CADPS2: variants seen among roughly 807,000 people sequenced by gnomAD.
CADPS2 encodes calcium dependent secretion activator 2.
CADPS2 carries 93 observed loss-of-function variants against 172.5 expected under a neutral mutation model. That is an observed-to-expected ratio of 0.54 (90% CI 0.46 to 0.64). CADPS2 has a LOEUF of 0.64. CADPS2 is among the 30% of genes least tolerant of loss of function. CADPS2 has a pLI of 0.00. For missense variants in CADPS2, 1,420 were observed against 1,565.9 expected (o/e 0.91, Z 1.57); for synonymous variants, 546 against 555.2 (o/e 0.98, Z 0.23).
intron 3 of CADPS2, among the ~76,000 whole-genome samples, chr7:122,652,842 T>C (rs762895466): frequency 5.9e-5 from 9 of 152,182 alleles, no homozygotes; most frequent in Admixed American, 1.3e-4. Flanking sequence ...CAATAACAAT[T>C]TGTCTTTCTA....
chr7:122,487,574 G>A (rs1488804753), intron 11 of CADPS2, among the ~76,000 whole-genome samples: 1 of 151,996 alleles, frequency 6.6e-6, no homozygotes, highest in Non-Finnish European at 1.5e-5. Flanking sequence ...TAGTCAATTA[G>A]AAAATATAAT....
intron 8 of CADPS2, among the ~76,000 whole-genome samples, chr7:122,524,027 C>T (rs1046518631): frequency 5.3e-5 from 8 of 152,116 alleles, no homozygotes; most frequent in Admixed American, 6.6e-5. Context: ...GGCAAAAAGT[C>T]TCTGAGGCAT....
chr7:122,441,586 A>G lies in CADPS2; in HGVS notation c.2289-11T>C. The G allele has an allele frequency of 2.0e-6, 3 of 1,516,172 alleles. No individual in the cohort carries two copies. Among genetic ancestry groups the G allele is most frequent in the Non-Finnish European group, 2.7e-6 (3 of 1,130,062 alleles). 93.9% of individuals were successfully genotyped at this position (1,516,172 alleles called of 1,614,324 possible). On this transcript the variant is annotated splice_polypyrimidine_tract_variant and intron_variant, in intron 15 of 29. Coordinates refer to ENST00000449022, the MANE Select transcript of CADPS2 (RefSeq NM_017954.11). ...AAGGGAAAACAGTATCTTTAAAAAC[A>G]AAAGAAAGAACAAAAGAGTCAAACA...
At chr7:122,781,116 T>C (rs1792594874) in intron 1 of CADPS2, among the ~76,000 whole-genome samples, 1 of 152,248 alleles carries the variant, frequency 6.6e-6, no homozygotes, top group African/African-American at 2.4e-5. Context: ...ACTATTAATC[T>C]GATGGACAGA....
At chr7:122,579,419 T>G (rs1245699103) in intron 7 of CADPS2, among the ~76,000 whole-genome samples, 2 of 147,270 alleles carry the variant, frequency 1.4e-5, no homozygotes, top group African/African-American at 5.0e-5. Flanking sequence ...TAAGGGAGCA[T>G]AAGCGGTTTC....
At chr7:122,615,584 A>T (rs1326106194) in intron 5 of CADPS2, among the ~76,000 whole-genome samples, 3 of 152,182 alleles carry the variant, frequency 2.0e-5, no homozygotes, top group Non-Finnish European at 4.4e-5. Flanking sequence ...AATTAAATGA[A>T]ATTTAAACTC....
At chr7:122,641,510 T>C (rs2077640053) in intron 3 of CADPS2, among the ~76,000 whole-genome samples, 1 of 152,144 alleles carries the variant, frequency 6.6e-6, no homozygotes, top group East Asian at 1.9e-4. Context: ...TTTCATAGCT[T>C]ACTTGAGGTT....
At chr7:122,510,052 G>C (rs1035606318) in intron 9 of CADPS2, among the ~76,000 whole-genome samples, 6 of 151,886 alleles carry the variant, frequency 4.0e-5, no homozygotes, top group African/African-American at 1.2e-4. Flanking sequence ...GAGTGTTAAA[G>C]GTAACAGATT....
chr7:122,673,237 G>T (rs796201946), intron 2 of CADPS2, among the ~76,000 whole-genome samples: 107 of 152,344 alleles, frequency 7.0e-4, no homozygotes, highest in African/African-American at 2.4e-3. Flanking sequence ...CGGGGAATGG[G>T]ACCCCAGCCG....
chr7:122,696,680 A>G (rs989587828), intron 2 of CADPS2, among the ~76,000 whole-genome samples: 3 of 152,200 alleles, frequency 2.0e-5, no homozygotes, highest in African/African-American at 7.2e-5. Context: ...CATTAAAATT[A>G]TGCATGCTGA....
chr7:122,375,152 A>C (rs1283870638), intron 25 of CADPS2, among the ~76,000 whole-genome samples: 1 of 152,170 alleles, frequency 6.6e-6, no homozygotes, highest in African/African-American at 2.4e-5. Context: ...TGCAATCTCT[A>C]TCAAAATCCT....
intron 28 of CADPS2, among the ~76,000 whole-genome samples, chr7:122,332,565 A>G (rs1189306880): frequency 2.0e-5 from 3 of 152,168 alleles, no homozygotes; most frequent in Non-Finnish European, 2.9e-5. Context: ...AAGTGCTAAC[A>G]TTGGGAAGGT....
chr7:122,453,317 T>C (rs1234093798), intron 14 of CADPS2, among the ~76,000 whole-genome samples: 1 of 152,142 alleles, frequency 6.6e-6, no homozygotes, highest in African/African-American at 2.4e-5. Flanking sequence ...TAATATTTTA[T>C]ATTTATTTAA....
intron 1 of CADPS2, among the ~76,000 whole-genome samples, chr7:122,767,569 A>G (rs2093592200): frequency 6.6e-6 from 1 of 152,156 alleles, no homozygotes; most frequent in African/African-American, 2.4e-5. Context: ...ATTCAAACGC[A>G]TACAGTTAGA....
intron 20 of CADPS2, among the ~76,000 whole-genome samples, chr7:122,406,633 C>T (rs1325639185): frequency 1.3e-5 from 2 of 152,226 alleles, no homozygotes; most frequent in East Asian, 3.9e-4. Flanking sequence ...GGCACGAAAA[C>T]CCTATCGTGA....
intron 14 of CADPS2, among the ~76,000 whole-genome samples, chr7:122,467,364 C>T (rs932101574): frequency 7.9e-5 from 12 of 152,150 alleles, no homozygotes; most frequent in African/African-American, 1.2e-4. Context: ...AAAATGCACA[C>T]TGTCTCTAAA....
chr7:122,377,165 A>T (rs929881210), intron 25 of CADPS2, among the ~76,000 whole-genome samples: 1 of 152,162 alleles, frequency 6.6e-6, no homozygotes, highest in Non-Finnish European at 1.5e-5. Flanking sequence ...TAAATTAAAA[A>T]TTTAATTTCT....
At chr7:122,412,042 T>A (rs1449472720) in intron 19 of CADPS2, among the ~76,000 whole-genome samples, 2 of 152,218 alleles carry the variant, frequency 1.3e-5, no homozygotes, top group African/African-American at 4.8e-5. Context: ...GCATTCATGC[T>A]CATGCAATTG....
rs555986306 is a variant in CADPS2 at position 122,574,091 on chromosome 7, C to G, written c.1335+7088G>C. Among the ~76,000 whole-genome samples, 8 of 151,834 alleles carry G rather than the reference C, an allele frequency of 5.3e-5. No homozygotes were observed. The East Asian group carries it at 1.6e-3, about 30-fold the overall frequency. On this transcript the variant is annotated intron_variant, in intron 7 of 29. Coordinates refer to ENST00000449022, the MANE Select transcript of CADPS2 (RefSeq NM_017954.11). ...CACGGTATTTTTGAAATTATTTACGCAAAATGAGTAAATATATTGATGTCG... is the reference window on the plus strand; with the variant it reads ...CACGGTATTTTTGAAATTATTTACGGAAAATGAGTAAATATATTGATGTCG...
Sources: gnomAD v4.1 joint callset for allele counts (sites outside exome capture counted in the v4.1 genomes callset) on GRCh38, gnomAD v4.1.1 for gene constraint, MANE v1.5 for transcripts, NCBI Gene and HGNC (gene_info 2026-07-23, HGNC 2026-07-21) for gene names.